Variants in NCOA1 observed in about 807,000 individuals in gnomAD.
The protein encoded by NCOA1 is Hin-2 protein.
Under a neutral mutation model 150.9 loss-of-function variants are expected in NCOA1, and 35 were observed. The observed-to-expected ratio is 0.23, with a 90% CI of 0.18 to 0.31. The LOEUF (loss-of-function observed/expected upper bound fraction) is 0.31. NCOA1 is among the 10% of genes least tolerant of loss of function. The probability of loss-of-function intolerance (pLI) is 1.00; values close to 1 mark genes in which losing one functional copy is unlikely to be tolerated. For missense variants in NCOA1, 1,491 were observed against 1,749.3 expected, an observed-to-expected ratio of 0.85 and a Z score of 2.63; for synonymous variants, 590 against 630.0, an observed-to-expected ratio of 0.94 and a Z score of 0.95.
intron 14 of NCOA1, among the ~76,000 whole-genome samples, chr2:24,726,195 T>C (rs961226443): frequency 6.6e-6 from 1 of 152,166 alleles, no homozygotes; most frequent in Admixed American, 6.5e-5. Context: ...ATGTATTTTA[T>C]CTTTTGCTCA....
chr2:24,495,070 C>T (rs1663141837), intron 1 of NCOA1, among the ~76,000 whole-genome samples: 1 of 135,944 alleles, frequency 7.4e-6, no homozygotes, highest in Non-Finnish European at 1.6e-5. Context: ...TTGGTTGCTT[C>T]ATTTCATAAG....
intron 7 of NCOA1, among the ~76,000 whole-genome samples, chr2:24,674,846 T>A (rs1671834283): frequency 6.6e-6 from 1 of 152,166 alleles, no homozygotes; most frequent in Non-Finnish European, 1.5e-5. Flanking sequence ...CCCTCCTGTT[T>A]CCATTGGTCC....
At chr2:24,760,435 G>A (rs1664735327) in intron 21 of NCOA1, among the ~76,000 whole-genome samples, 1 of 151,756 alleles carries the variant, frequency 6.6e-6, no homozygotes, top group Non-Finnish European at 1.5e-5. Context: ...GGGATTACAG[G>A]CGTGAGCCAC....
chr2:24,614,892 G>A (rs1027535030), intron 3 of NCOA1, among the ~76,000 whole-genome samples: 2 of 152,140 alleles, frequency 1.3e-5, no homozygotes, highest in African/African-American at 4.8e-5. Context: ...TATATGCTAG[G>A]CTCCATTCTA....
At chr2:24,576,107 T>TTCATA (rs1338879534) in intron 2 of NCOA1, among the ~76,000 whole-genome samples, 2 of 150,982 alleles carry the variant, frequency 1.3e-5, no homozygotes, top group Non-Finnish European at 3.0e-5. Flanking sequence ...ATACAAACTA[T>TTCATA]TCATAGCCTT....
At chr2:24,685,595 A>G (rs1303744815) in intron 8 of NCOA1, among the ~76,000 whole-genome samples, 1 of 152,226 alleles carries the variant, frequency 6.6e-6, no homozygotes, top group African/African-American at 2.4e-5. Context: ...CCTTTCTGGT[A>G]TAAAATAGAA....
chr2:24,715,961 T>TG (rs945331421), intron 14 of NCOA1, among the ~76,000 whole-genome samples: 4 of 151,892 alleles, frequency 2.6e-5, no homozygotes, highest in African/African-American at 9.7e-5. Flanking sequence ...GTTAACATGG[T>TG]GAAACCCCGT....
chr2:24,566,723 C>T (rs1189598710), intron 2 of NCOA1, among the ~76,000 whole-genome samples: 1 of 152,346 alleles, frequency 6.6e-6, no homozygotes, highest in African/African-American at 2.4e-5. Context: ...CTGAGGGGCA[C>T]CTGCAGGCCA....
intron 15 of NCOA1, among the ~76,000 whole-genome samples, chr2:24,727,515 C>T (rs1662756640): frequency 6.6e-6 from 1 of 152,190 alleles, no homozygotes; most frequent in African/African-American, 2.4e-5. Flanking sequence ...AGCCATATTC[C>T]ATAACGCAGG....
At chr2:24,527,726 C>T (rs1180175507) in intron 1 of NCOA1, among the ~76,000 whole-genome samples, 2 of 152,128 alleles carry the variant, frequency 1.3e-5, no homozygotes, top group Non-Finnish European at 2.9e-5. Context: ...TTTTTAATTT[C>T]TTTAGGAACC....
At position 24,561,166 on chromosome 2, in the gene NCOA1, A is replaced by G. The variant is rs1450392244; in HGVS notation, c.-395-3129A>G. ...AGGAATAAGACTGTATTTGTAGGTA[A>G]ATGTCTTTGTGTAAAGCATTGCTGG... On this transcript the variant is annotated intron_variant, in intron 1 of 22. Coordinates refer to ENST00000348332, the MANE Select transcript of NCOA1 (RefSeq NM_003743.5). 2.0e-5 allele frequency among the ~76,000 whole-genome samples: 3 copies of G among 152,196 alleles called. No homozygotes were observed. In the East Asian group the frequency reaches 5.8e-4, roughly 29 times the overall value.
Position 24,673,468 on chromosome 2 carries a change from G to A in NCOA1, c.354+5G>A. The stretch of plus-strand genomic sequence containing the variant: ...TTGGGACCTCTTCTTTTGGAGGTAG[G>A]TGTCTTCATTGACTCAGAAAGTGAT... On this transcript the variant is annotated splice_donor_5th_base_variant and intron_variant, in intron 7 of 22. Transcript: ENST00000348332. 6.4e-7 allele frequency: 1 copy of A among 1,566,920 alleles called. No individual in the cohort carries two copies. The highest frequency in any genetic ancestry group is 1.2e-5 in the South Asian group (1 of 80,312).
intron 5 of NCOA1, among the ~76,000 whole-genome samples, chr2:24,664,632 C>T (rs1016465403): frequency 7.9e-5 from 12 of 151,866 alleles, no homozygotes; most frequent in African/African-American, 1.7e-4. Context: ...CACTTGAACC[C>T]GGGAGGCAGA....
At chr2:24,667,574 A>G (rs1671488485) in intron 6 of NCOA1, among the ~76,000 whole-genome samples, 1 of 152,226 alleles carries the variant, frequency 6.6e-6, no homozygotes, top group Admixed American at 6.5e-5. Flanking sequence ...GGGAGACATG[A>G]GGGAAGGTAT....
intron 14 of NCOA1, among the ~76,000 whole-genome samples, chr2:24,715,703 C>A (rs1054447784): frequency 6.6e-6 from 1 of 152,124 alleles, no homozygotes; most frequent in Non-Finnish European, 1.5e-5. Flanking sequence ...TTACTCTACA[C>A]TGAAAACTAC....
intron 22 of NCOA1, among the ~76,000 whole-genome samples, chr2:24,764,221 A>T (rs56402501): frequency 0.044 from 6,652 of 152,270 alleles, 244 homozygotes; most frequent in East Asian, 0.19. Context: ...TAGAAAGAGG[A>T]AGAGCTGAGG....
intron 1 of NCOA1, among the ~76,000 whole-genome samples, chr2:24,529,507 C>T (rs1034027716): frequency 1.6e-4 from 25 of 151,980 alleles, no homozygotes; most frequent in Admixed American, 1.4e-3. Flanking sequence ...ATTTATTGAT[C>T]GATTGATTTT....
intron 7 of NCOA1, among the ~76,000 whole-genome samples, chr2:24,680,852 T>TA (rs368660935): frequency 2.6e-5 from 4 of 152,102 alleles, no homozygotes; most frequent in Admixed American, 6.5e-5. Context: ...TTTTCTCAAT[T>TA]AAAAAACAAT....
At chr2:24,538,386 G>A (rs948972404) in intron 1 of NCOA1, among the ~76,000 whole-genome samples, 3 of 152,210 alleles carry the variant, frequency 2.0e-5, no homozygotes, top group East Asian at 1.9e-4. Flanking sequence ...CCAAAACCTC[G>A]AAAGACTGGA....
Sources: gnomAD v4.1 joint callset for allele counts (sites outside exome capture counted in the v4.1 genomes callset) on GRCh38, gnomAD v4.1.1 for gene constraint, MANE v1.5 for transcripts, NCBI Gene and HGNC (gene_info 2026-07-23, HGNC 2026-07-21) for gene names.